The following ADGRL3 variants were observed in gnomAD, a reference collection of about 807,000 sequenced individuals.
ADGRL3 encodes the protein adhesion G protein-coupled receptor L3.
ADGRL3 carries 62 observed loss-of-function variants against 153.5 expected under a neutral mutation model. The observed-to-expected ratio is 0.40, with a 90% CI of 0.33 to 0.50. The LOEUF (loss-of-function observed/expected upper bound fraction) is 0.50, where lower values mean the gene tolerates loss of function less well. ADGRL3 is among the 20% of genes least tolerant of loss of function. The pLI is 0.47. For synonymous variants in ADGRL3, 710 were observed against 672.5 expected (o/e 1.06, Z -0.86); for missense variants, 1,641 against 1,859.4 (o/e 0.88, Z 2.16).
chr4:61,293,931 G>T (rs980061279), intron 1 of ADGRL3, among the ~76,000 whole-genome samples: 2 of 152,048 alleles, frequency 1.3e-5, no homozygotes, highest in Admixed American at 6.6e-5. Flanking sequence ...GATAAAATAG[G>T]TAATGAACTT....
chr4:62,056,722 A>G (rs993032145), intron 25 of ADGRL3, among the ~76,000 whole-genome samples: 1 of 152,130 alleles, frequency 6.6e-6, no homozygotes, highest in Non-Finnish European at 1.5e-5. Flanking sequence ...ACTCTAATTT[A>G]TATACGTTAA....
At chr4:61,424,649 A>G (rs1360492044) in intron 2 of ADGRL3, among the ~76,000 whole-genome samples, 2 of 152,164 alleles carry the variant, frequency 1.3e-5, no homozygotes, top group African/African-American at 2.4e-5. Context: ...AAGGGCACAG[A>G]TGCCACCTTG....
At chr4:61,640,742 A>G (rs2093628765) in intron 5 of ADGRL3, among the ~76,000 whole-genome samples, 1 of 152,154 alleles carries the variant, frequency 6.6e-6, no homozygotes, top group Non-Finnish European at 1.5e-5. Context: ...GACAATATTT[A>G]GTTTCTTACA....
At chr4:61,429,191 G>A (rs2097325368) in intron 2 of ADGRL3, among the ~76,000 whole-genome samples, 1 of 152,080 alleles carries the variant, frequency 6.6e-6, no homozygotes, top group Non-Finnish European at 1.5e-5. Context: ...CTCAGATTGA[G>A]AAATTAGAGA....
At chr4:61,322,507 A>T (rs939070195) in intron 1 of ADGRL3, among the ~76,000 whole-genome samples, 2 of 152,194 alleles carry the variant, frequency 1.3e-5, no homozygotes, top group African/African-American at 4.8e-5. Flanking sequence ...AATCAAAAGC[A>T]AGCTAGTTAC....
intron 8 of ADGRL3, among the ~76,000 whole-genome samples, chr4:61,805,968 A>G (rs907170776): frequency 2.1e-4 from 32 of 152,334 alleles, no homozygotes; most frequent in African/African-American, 7.5e-4. Flanking sequence ...TATAAATTTA[A>G]CTTTTGAAAT....
At position 61,697,555 on chromosome 4, in the gene ADGRL3, T is replaced by TAA. The variant is rs34106020; in HGVS notation, c.583+20632_583+20633dup. On this transcript the variant is annotated intron_variant, in intron 6 of 26. Transcript: ENST00000683033. ...GCCGGGATGGCAAAAGTGAAACTCC[T>TAA]AAAAAAAAAAAAAGAAAGAAATATT... is the stretch of plus-strand genomic sequence containing the variant. Among the ~76,000 whole-genome samples the TAA allele has an allele frequency of 7.6e-3, 1,088 of 142,806 alleles. 11 individuals carry two copies. Among genetic ancestry groups the TAA allele is most frequent in the Admixed American group, 0.013 (186 of 14,174 alleles). The allele number at this position is 142,806 out of a possible 152,430, so 93.7% of individuals were successfully genotyped here.
intron 1 of ADGRL3, among the ~76,000 whole-genome samples, chr4:61,270,933 A>G (rs2093138641): frequency 6.6e-6 from 1 of 151,798 alleles, no homozygotes; most frequent in Non-Finnish European, 1.5e-5. Flanking sequence ...TCTGTCTCAT[A>G]ATAAGCTGAG....
chr4:61,481,029 A>C (rs1001063603), intron 2 of ADGRL3, among the ~76,000 whole-genome samples: 6 of 152,188 alleles, frequency 3.9e-5, no homozygotes, highest in African/African-American at 1.4e-4. Context: ...TAGAAAAATT[A>C]AAATGTACTT....
intron 9 of ADGRL3, among the ~76,000 whole-genome samples, chr4:61,880,381 T>A (rs1237397549): frequency 6.6e-6 from 1 of 152,178 alleles, no homozygotes; most frequent in African/African-American, 2.4e-5. Flanking sequence ...ACTAAAAATA[T>A]GCAAGTTAAA....
rs980004890 is a variant in ADGRL3 at position 61,202,417 on chromosome 4, G to C, written c.-240+652G>C. On this transcript the variant is annotated intron_variant, in intron 1 of 26. Transcript: ENST00000683033. The surrounding 1 kb of genome is among the most constrained non-coding windows in gnomAD (Gnocchi z 5.0). ...CTTCACGGCAGTTTGGTTTAGACCT[G>C]CGTGCCCAGGCTTTGTTAGGCGGTT... 6.6e-6 allele frequency among the ~76,000 whole-genome samples: 1 copy of C among 152,168 alleles called. No homozygotes were observed. The highest frequency in any genetic ancestry group is 2.4e-5 in the African/African-American group (1 of 41,448).
chr4:61,286,973 A>AC (rs1293302714), intron 1 of ADGRL3, among the ~76,000 whole-genome samples: 1 of 151,790 alleles, frequency 6.6e-6, no homozygotes, highest in Admixed American at 6.6e-5. Context: ...TATGGAAGTC[A>AC]AAGGCCTCTA....
chr4:61,317,602 T>A (rs2095253031), intron 1 of ADGRL3, among the ~76,000 whole-genome samples: 1 of 152,124 alleles, frequency 6.6e-6, no homozygotes, highest in South Asian at 2.1e-4. Flanking sequence ...TTTGGTACTT[T>A]TTTGAAGGAC....
intron 2 of ADGRL3, among the ~76,000 whole-genome samples, chr4:61,474,272 T>G (rs181599867): frequency 6.6e-6 from 1 of 152,222 alleles, no homozygotes; most frequent in East Asian, 1.9e-4. Flanking sequence ...AACTTCTAAA[T>G]AGGGAAAATA....
At chr4:61,457,872 A>AGAT (rs1384706748) in intron 2 of ADGRL3, among the ~76,000 whole-genome samples, 1 of 151,526 alleles carries the variant, frequency 6.6e-6, no homozygotes, top group Non-Finnish European at 1.5e-5. Flanking sequence ...ATAGATAGAT[A>AGAT]GATAGATAGA....
chr4:61,304,827 G>A (rs923453661), intron 1 of ADGRL3, among the ~76,000 whole-genome samples: 8 of 152,136 alleles, frequency 5.3e-5, no homozygotes, highest in African/African-American at 9.6e-5. Context: ...TAAAATCCCA[G>A]AGCAGCATGG....
intron 12 of ADGRL3, 83 bp from the exon 13 acceptor site, chr4:61,912,636 T>C: frequency 8.3e-7 from 1 of 1,210,104 alleles, no homozygotes; most frequent in Non-Finnish European, 1.2e-6. Context: ...TGTGTAGATG[T>C]GTTCTTTTAT....
intron 5 of ADGRL3, among the ~76,000 whole-genome samples, chr4:61,637,529 T>C (rs895416636): frequency 3.9e-5 from 6 of 152,086 alleles, no homozygotes; most frequent in East Asian, 3.9e-4. Flanking sequence ...TTTGAGAAGC[T>C]AAGGCGGGCA....
At chr4:61,571,704 C>T (rs1023575969) in intron 4 of ADGRL3, among the ~76,000 whole-genome samples, 4 of 152,130 alleles carry the variant, frequency 2.6e-5, no homozygotes, top group African/African-American at 9.7e-5. Context: ...ACCCTAGTAG[C>T]ATCAAAACAT....
Sources: allele counts gnomAD v4.1 joint callset (sites outside exome capture counted in the v4.1 genomes callset), GRCh38; gene constraint gnomAD v4.1.1; non-coding constraint Gnocchi (gnomAD v3.1); transcripts MANE v1.5; gene names NCBI Gene and HGNC (gene_info 2026-07-23, HGNC 2026-07-21).